Variants in ATXN7 observed in about 807,000 individuals in gnomAD.
ATXN7 encodes the protein ataxin-7.
Under a neutral mutation model 70.5 loss-of-function variants are expected in ATXN7, and 12 were observed. The observed-to-expected ratio is 0.17, with a 90% CI of 0.11 to 0.28. The LOEUF (loss-of-function observed/expected upper bound fraction) is 0.28, where lower values mean the gene tolerates loss of function less well. Ranked by LOEUF, ATXN7 falls within the 10% of genes least tolerant of loss-of-function variation. The pLI is 1.00. For missense variants in ATXN7, 1,256 were observed against 1,131.7 expected (o/e 1.11, Z -1.58); for synonymous variants, 498 against 448.7 (o/e 1.11, Z -1.39).
At chr3:63,946,663 AT>A (rs1315449824) in intron 4 of ATXN7, among the ~76,000 whole-genome samples, 1 of 151,000 alleles carries the variant, frequency 6.6e-6, no homozygotes, top group Non-Finnish European at 1.5e-5. Context: ...AAAAAAAGGA[AT>A]TTTAGGAGAA....
chr3:63,867,764 C>T (rs1031978717), intron 1 of ATXN7, among the ~76,000 whole-genome samples: 2 of 152,080 alleles, frequency 1.3e-5, no homozygotes, highest in African/African-American at 4.8e-5. Flanking sequence ...GGTGGTGTGG[C>T]CTGTAATCCC....
rs1461958983 is a variant in ATXN7 at position 63,988,378 on chromosome 3, T to TA, written c.1361+55dup. 4 of 1,601,912 alleles carry TA rather than the reference T, an allele frequency of 2.5e-6. No homozygotes were observed. The African/African-American group carries it at 4.0e-5, about 16-fold the overall frequency. ...CACCTTCAGAGATGAGACTTGCAGA[T>TA]ACTGTAAAATTTCAGTATGGTCATG... On this transcript the variant is annotated intron_variant, in intron 9 of 12. Coordinates refer to ENST00000674280, the MANE Select transcript of ATXN7 (RefSeq NM_001377405.1).
intron 1 of ATXN7, among the ~76,000 whole-genome samples, chr3:63,881,484 ATTTTTTTTTTTT>A (rs909777356): frequency 8.3e-6 from 1 of 120,810 alleles, no homozygotes; most frequent in Non-Finnish European, 1.7e-5. Flanking sequence ...TGGTTGGAGC[ATTTTTTTTTTTT>A]TTTTTTTTTT....
intron 5 of ATXN7, among the ~76,000 whole-genome samples, chr3:63,972,426 C>T (rs1289920761): frequency 6.6e-6 from 1 of 152,146 alleles, no homozygotes. Flanking sequence ...TCATAAGGCC[C>T]ATCCATGCAG....
intron 12 of ATXN7, chr3:63,997,755 G>A: frequency 6.6e-7 from 1 of 1,523,214 alleles, no homozygotes; most frequent in Non-Finnish European, 8.8e-7. Context: ...ATGCCAGCCG[G>A]GTTAGGACTT....
intron 1 of ATXN7, among the ~76,000 whole-genome samples, chr3:63,876,504 A>G (rs920768920): frequency 3.9e-5 from 6 of 152,180 alleles, no homozygotes; most frequent in Admixed American, 1.3e-4. Flanking sequence ...AAAGATGTTT[A>G]TGGTTTCCAA....
intron 12 of ATXN7, chr3:63,999,204 C>A: frequency 4.5e-6 from 2 of 446,702 alleles, no homozygotes; most frequent in African/African-American, 2.0e-5. Flanking sequence ...AGTTAGAAAC[C>A]CAGGCCTGCA....
chr3:63,939,158 A>G (rs1033738852), intron 4 of ATXN7, among the ~76,000 whole-genome samples: 1 of 152,110 alleles, frequency 6.6e-6, no homozygotes, highest in Non-Finnish European at 1.5e-5. Context: ...TATGGGCTTC[A>G]TTCTCAGACC....
chr3:63,920,098 T>C (rs1019641987), intron 4 of ATXN7, among the ~76,000 whole-genome samples: 2 of 152,098 alleles, frequency 1.3e-5, no homozygotes, highest in South Asian at 4.1e-4. Flanking sequence ...CGTTGTTCTT[T>C]AGGCCCCATA....
At chr3:63,981,124 G>C (rs896234586) in intron 6 of ATXN7, among the ~76,000 whole-genome samples, 1 of 152,194 alleles carries the variant, frequency 6.6e-6, no homozygotes, top group Non-Finnish European at 1.5e-5. Context: ...GTTAATCTCA[G>C]GGTAGGGTCC....
At chr3:63,937,432 A>G (rs1365950082) in intron 4 of ATXN7, among the ~76,000 whole-genome samples, 1 of 152,134 alleles carries the variant, frequency 6.6e-6, no homozygotes, top group African/African-American at 2.4e-5. Context: ...CTCAACCCCT[A>G]CTCAAATCAT....
At chr3:63,880,471 C>G (rs1702877307) in intron 1 of ATXN7, among the ~76,000 whole-genome samples, 2 of 152,210 alleles carry the variant, frequency 1.3e-5, no homozygotes, top group Admixed American at 1.3e-4. Flanking sequence ...CTTTTGGTGC[C>G]TTTCCATTGC....
chr3:63,917,338 G>C (rs1284357468), intron 4 of ATXN7, among the ~76,000 whole-genome samples: 1 of 152,172 alleles, frequency 6.6e-6, no homozygotes, highest in Non-Finnish European at 1.5e-5. Flanking sequence ...TGAAATTCCG[G>C]ACTTCCACAG....
At chr3:63,999,215 A>G in intron 12 of ATXN7, 1 of 461,940 alleles carries the variant, frequency 2.2e-6, no homozygotes, top group Non-Finnish European at 3.9e-6. Flanking sequence ...CAGGCCTGCA[A>G]CTCTTCTAGC....
intron 2 of ATXN7, chr3:63,902,189 A>G (rs1199951291): frequency 6.6e-6 from 1 of 152,184 alleles, no homozygotes; most frequent in African/African-American, 2.4e-5. Flanking sequence ...CAGAAAGACT[A>G]CTTGAGTCCA....
chr3:63,931,259 T>A (rs1310955798), intron 4 of ATXN7, among the ~76,000 whole-genome samples: 1 of 152,180 alleles, frequency 6.6e-6, no homozygotes, highest in Admixed American at 6.5e-5. Context: ...GTTTGCTGAT[T>A]TATTGTTTCT....
At position 63,864,054 on chromosome 3, in the gene ATXN7, G is replaced by A. The variant is rs976860306; in HGVS notation, c.-215G>A. Reference sequence around the variant, plus strand: ...GGCGCGAGTTGGGGCGAGGCTTGGCGGCCGGCGGCGGCCCCGGCTGCAGCC... The same window carrying A: ...GGCGCGAGTTGGGGCGAGGCTTGGCAGCCGGCGGCGGCCCCGGCTGCAGCC... On this transcript the variant is annotated 5_prime_UTR_variant, in exon 1 of 13. Coordinates refer to ENST00000674280, the MANE Select transcript of ATXN7 (RefSeq NM_001377405.1). Among the ~76,000 whole-genome samples the A allele has an allele frequency of 1.4e-5, 2 of 144,468 alleles. No individual in the cohort carries two copies. Among genetic ancestry groups the A allele is most frequent in the African/African-American group, 5.0e-5 (2 of 40,316 alleles). 94.8% of individuals were successfully genotyped at this position (144,468 alleles called of 152,430 possible). A position where few individuals can be genotyped will look rare whatever the true frequency, so the allele number is the denominator to read the frequency against.
rs1050331472 is a variant in ATXN7 at position 63,898,399 on chromosome 3, A to G, written c.-110A>G. 2 of 152,208 alleles carry G rather than the reference A, an allele frequency of 1.3e-5. No homozygotes were observed. The highest frequency in any genetic ancestry group is 4.8e-5 in the African/African-American group (2 of 41,444). 9.4% of individuals were successfully genotyped at this position (152,208 alleles called of 1,614,324 possible). ...ATTTGCCTTTTTTCTGTTTTTGCAG[A>G]TCTGAACAGAATTAAGACGAACGAG... On this transcript the variant is annotated splice_region_variant and 5_prime_UTR_variant, in exon 2 of 13. Transcript: ENST00000674280.
At chr3:63,952,744 T>C (rs2106660402) in intron 5 of ATXN7, among the ~76,000 whole-genome samples, 1 of 151,790 alleles carries the variant, frequency 6.6e-6, no homozygotes, top group African/African-American at 2.4e-5. Flanking sequence ...GTTGCATCAG[T>C]ATAATTACAA....
Sources: allele counts gnomAD v4.1 joint callset (sites outside exome capture counted in the v4.1 genomes callset), GRCh38; gene constraint gnomAD v4.1.1; transcripts MANE v1.5; gene names NCBI Gene and HGNC (gene_info 2026-07-23, HGNC 2026-07-21).